Variants in HDAC9 observed in about 807,000 individuals in gnomAD.
HDAC9 encodes histone deacetylase 9.
Under a neutral mutation model 139.4 loss-of-function variants are expected in HDAC9, and 41 were observed. The observed-to-expected ratio is 0.29, with a 90% CI of 0.23 to 0.38. The LOEUF (loss-of-function observed/expected upper bound fraction) is 0.38, where lower values mean the gene tolerates loss of function less well. Ranked by LOEUF, HDAC9 falls within the 10% of genes least tolerant of loss-of-function variation. HDAC9 has a pLI of 1.00. For missense variants in HDAC9, 1,147 were observed against 1,297.0 expected (o/e 0.88, Z 1.78); for synonymous variants, 517 against 476.2 (o/e 1.09, Z -1.12).
At chr7:18,275,880 C>T (rs1176305372) in intron 2 of HDAC9, among the ~76,000 whole-genome samples, 2 of 152,174 alleles carry the variant, frequency 1.3e-5, no homozygotes, top group Non-Finnish European at 2.9e-5. Flanking sequence ...GTTTAGTGTA[C>T]ACTCTTTATT....
At chr7:18,144,603 T>A (rs1786158807) in intron 1 of HDAC9, among the ~76,000 whole-genome samples, 1 of 151,442 alleles carries the variant, frequency 6.6e-6, no homozygotes, top group Non-Finnish European at 1.5e-5. Flanking sequence ...GACCACCATA[T>A]TTTTTTTTCC....
At chr7:18,297,306 G>A (rs1798215230) in intron 1 of HDAC9, among the ~76,000 whole-genome samples, 1 of 152,024 alleles carries the variant, frequency 6.6e-6, no homozygotes. Context: ...GCTTCCTCGG[G>A]CTGTCTTTAC....
At chr7:18,773,605 T>C (rs540104067) in intron 16 of HDAC9, among the ~76,000 whole-genome samples, 4 of 152,156 alleles carry the variant, frequency 2.6e-5, no homozygotes, top group African/African-American at 9.6e-5. Context: ...TAAAACATAC[T>C]TGAATAGATT....
chr7:18,163,412 G>A (rs1787790318), intron 2 of HDAC9, among the ~76,000 whole-genome samples: 1 of 152,172 alleles, frequency 6.6e-6, no homozygotes, highest in East Asian at 1.9e-4. Context: ...TTGCCTAGTG[G>A]TTCTCAAACT....
At chr7:18,157,756 G>T (rs748586800) in intron 1 of HDAC9, among the ~76,000 whole-genome samples, 2 of 146,594 alleles carry the variant, frequency 1.4e-5, no homozygotes, top group Non-Finnish European at 3.0e-5. Flanking sequence ...GTTTTCTAAT[G>T]CTTTTCTCCA....
intron 14 of HDAC9, among the ~76,000 whole-genome samples, chr7:18,752,320 C>G (rs1788522811): frequency 6.6e-6 from 1 of 151,974 alleles, no homozygotes; most frequent in South Asian, 2.1e-4. Flanking sequence ...TCTGAGCCTT[C>G]TAAAGGAATC....
At chr7:18,208,669 C>T (rs750309921) in intron 2 of HDAC9, among the ~76,000 whole-genome samples, 4 of 152,182 alleles carry the variant, frequency 2.6e-5, no homozygotes, top group Non-Finnish European at 4.4e-5. Context: ...AGCCACTGCA[C>T]CCGGCCTGTA....
At chr7:18,917,437 G>C (rs1214785234) in intron 22 of HDAC9, among the ~76,000 whole-genome samples, 1 of 151,388 alleles carries the variant, frequency 6.6e-6, no homozygotes, top group East Asian at 2.0e-4. Context: ...AAATAGAAAA[G>C]ACACGTATAT....
At chr7:18,616,929 C>T (rs1199613259) in intron 6 of HDAC9, among the ~76,000 whole-genome samples, 1 of 152,146 alleles carries the variant, frequency 6.6e-6, no homozygotes, top group East Asian at 1.9e-4. Flanking sequence ...TTATTAGTAA[C>T]AGTAATTAGA....
intron 1 of HDAC9, among the ~76,000 whole-genome samples, chr7:18,388,375 C>A (rs74551091): frequency 4.6e-5 from 7 of 152,204 alleles, no homozygotes; most frequent in African/African-American, 7.2e-5. Flanking sequence ...GCCCCCATCC[C>A]TTCCATGTAA....
At chr7:18,165,610 G>A (rs999953515) in intron 2 of HDAC9, among the ~76,000 whole-genome samples, 1 of 151,892 alleles carries the variant, frequency 6.6e-6, no homozygotes, top group Non-Finnish European at 1.5e-5. Flanking sequence ...AATATGGTGA[G>A]ATCCTATCTC....
In HDAC9 at chr7:18,982,841, C is replaced by T. The variant is rs189931593; in HGVS notation, c.3170+6888C>T. Among the ~76,000 whole-genome samples, 5 of 152,228 alleles carry T rather than the reference C, an allele frequency of 3.3e-5. No individual in the cohort carries two copies. In the East Asian group the frequency reaches 9.6e-4, roughly 29 times the overall value. On this transcript the variant is annotated intron_variant, in intron 25 of 25. Transcript: ENST00000686413. Reference sequence around the variant, plus strand: ...TCTTCATTTTTATTATTGTACATTACTCCAGTGTATTAATACACCCTAATT... The same window carrying T: ...TCTTCATTTTTATTATTGTACATTATTCCAGTGTATTAATACACCCTAATT...
intron 1 of HDAC9, among the ~76,000 whole-genome samples, chr7:18,130,213 T>C (rs938802731): frequency 6.6e-6 from 1 of 152,102 alleles, no homozygotes; most frequent in Non-Finnish European, 1.5e-5. Context: ...GAGCATCATG[T>C]CGGTGCTCAA....
intron 1 of HDAC9, among the ~76,000 whole-genome samples, chr7:18,117,818 C>A (rs1452438205): frequency 6.6e-6 from 1 of 152,104 alleles, no homozygotes; most frequent in Non-Finnish European, 1.5e-5. Context: ...GTTACGGCAG[C>A]CCTAGGAAAG....
chr7:18,696,198 C>T (rs573502573), intron 12 of HDAC9, among the ~76,000 whole-genome samples: 5 of 151,802 alleles, frequency 3.3e-5, no homozygotes, highest in Non-Finnish European at 5.9e-5. Context: ...CTTCTTTAAA[C>T]CAAATAGACG....
chr7:18,499,270 T>C (rs1161193676), intron 2 of HDAC9, among the ~76,000 whole-genome samples: 1 of 152,152 alleles, frequency 6.6e-6, no homozygotes, highest in Non-Finnish European at 1.5e-5. Context: ...TCTAGTTATA[T>C]TGGATATTAT....
intron 11 of HDAC9, among the ~76,000 whole-genome samples, chr7:18,651,616 T>A (rs1286257139): frequency 5.9e-5 from 9 of 151,980 alleles, no homozygotes; most frequent in Admixed American, 5.3e-4. Context: ...GATTGACTTA[T>A]TAAATTTGAA....
intron 2 of HDAC9, among the ~76,000 whole-genome samples, chr7:18,552,464 A>G (rs530399361): frequency 2.4e-4 from 37 of 152,324 alleles, no homozygotes; most frequent in African/African-American, 7.2e-4. Flanking sequence ...TAGAAGCCTA[A>G]TGAAATGGAC....
intron 1 of HDAC9, among the ~76,000 whole-genome samples, chr7:18,357,255 AG>A (rs1783389928): frequency 6.6e-6 from 1 of 152,150 alleles, no homozygotes; most frequent in Admixed American, 6.6e-5. Context: ...TATGTGAAAA[AG>A]GGTAGACATC....
Sources: gnomAD v4.1 joint callset for allele counts (sites outside exome capture counted in the v4.1 genomes callset) on GRCh38, gnomAD v4.1.1 for gene constraint, MANE v1.5 for transcripts, NCBI Gene and HGNC (gene_info 2026-07-23, HGNC 2026-07-21) for gene names.